PCDHGA11: variants seen among roughly 807,000 people sequenced by gnomAD.
The protein encoded by PCDHGA11 is protocadherin gamma subfamily A, 11, also known as protocadherin gamma-A11.
Under a neutral mutation model 60.4 loss-of-function variants are expected in PCDHGA11, and 39 were observed. That is an observed-to-expected ratio of 0.65 (90% confidence interval 0.50 to 0.84). The LOEUF is 0.84. Among genes scored for constraint, PCDHGA11 ranks in the 40% least tolerant of loss-of-function variants. PCDHGA11 has a pLI of 0.00. For missense variants in PCDHGA11, 1,165 were observed against 1,197.7 expected (o/e 0.97, Z 0.40); for synonymous variants, 533 against 510.3 (o/e 1.04, Z -0.60).
In PCDHGA11 at chr5:141,431,048, A is replaced by G; in HGVS notation, c.2433+7388A>G. The G allele has an allele frequency of 6.2e-7, 1 of 1,614,180 alleles. No homozygotes were observed. Among genetic ancestry groups the G allele is most frequent in the Non-Finnish European group, 8.5e-7 (1 of 1,180,018 alleles). The stretch of plus-strand genomic sequence containing the variant: ...CAGGATAGACCGGGAGGAGCTCTGT[A>G]TGGGGGCCATCAAGTGTCAATTAAA... On this transcript the variant is annotated intron_variant, in intron 1 of 3. Coordinates refer to ENST00000398587, the MANE Select transcript of PCDHGA11 (RefSeq NM_018914.3). This position sits in a 1 kb window ranked among gnomAD's most constrained non-coding sequence, Gnocchi z 4.8.
chr5:141,502,373 C>A (rs2099813965), intron 2 of PCDHGA11, among the ~76,000 whole-genome samples: 1 of 151,806 alleles, frequency 6.6e-6, no homozygotes, highest in African/African-American at 2.4e-5. Context: ...TTAAAGAGTC[C>A]AGGCCAGTTG....
rs201857404 is a variant in PCDHGA11, at chr5:141,485,844, G to C, written c.2434-8963G>C. The C allele has an allele frequency of 1.1e-5, 18 of 1,613,772 alleles. No homozygotes were observed. The highest frequency in any genetic ancestry group is 1.4e-5 in the Non-Finnish European group (16 of 1,179,956). ...GATGGAGGGAACCCGCCGAGATCTG[G>C]CACCGCAGAGCTCCGGGTATCCGTG... is the stretch of plus-strand genomic sequence containing the variant. On this transcript the variant is annotated intron_variant, in intron 1 of 3. Transcript: ENST00000398587. This position sits in a 1 kb window ranked among gnomAD's most constrained non-coding sequence, Gnocchi z 5.7.
chr5:141,483,213 C>T (rs1343903817), intron 1 of PCDHGA11, among the ~76,000 whole-genome samples: 1 of 152,142 alleles, frequency 6.6e-6, no homozygotes, highest in Non-Finnish European at 1.5e-5. Flanking sequence ...ATATAGATGA[C>T]AGTCACTGCA....
chr5:141,509,371 T>C (rs2099876508), intron 3 of PCDHGA11, among the ~76,000 whole-genome samples: 1 of 152,258 alleles, frequency 6.6e-6, no homozygotes, highest in South Asian at 2.1e-4. Context: ...AGGTTTTAAC[T>C]GTCTCCTAAC....
At chr5:141,438,591 C>CATATATATATATAT (rs946798767) in intron 1 of PCDHGA11, among the ~76,000 whole-genome samples, 3 of 75,556 alleles carry the variant, frequency 4.0e-5, no homozygotes, top group Non-Finnish European at 8.0e-5. Context: ...TACATACATA[C>CATATATATATATAT]ATATATATAT....
At chr5:141,452,281 T>G (rs948141174) in intron 1 of PCDHGA11, among the ~76,000 whole-genome samples, 2 of 152,232 alleles carry the variant, frequency 1.3e-5, no homozygotes, top group Non-Finnish European at 2.9e-5. Flanking sequence ...CCTTTCTTAC[T>G]TTCTGATATA....
rs558074504 is a variant in PCDHGA11 at position 141,489,065 on chromosome 5, C to A, written c.2434-5742C>A. ...CCACTCAAATTCAGCTCCCCTCCCCCCTGCCCACCCCCGCCACTCGGTGAC... is the reference window on the plus strand; with the variant it reads ...CCACTCAAATTCAGCTCCCCTCCCCACTGCCCACCCCCGCCACTCGGTGAC... On this transcript the variant is annotated intron_variant, in intron 1 of 3. Transcript: ENST00000398587. The surrounding 1 kb of genome is among the most constrained non-coding windows in gnomAD (Gnocchi z 4.5). 1,377 of 389,040 alleles carry A rather than the reference C, an allele frequency of 3.5e-3. 31 individuals carry two copies. Among genetic ancestry groups the A allele is most frequent in the Admixed American group, 9.8e-3 (226 of 22,946 alleles). 24.1% of individuals were successfully genotyped at this position (389,040 alleles called of 1,614,324 possible).
chr5:141,458,695 G>T (rs551105765), intron 1 of PCDHGA11, among the ~76,000 whole-genome samples: 2 of 151,734 alleles, frequency 1.3e-5, no homozygotes, highest in Non-Finnish European at 2.9e-5. Context: ...TCAGCCTCCC[G>T]AGTAGCTGGG....
rs193229261 is a variant in PCDHGA11, at chr5:141,446,714, G to A, written c.2433+23054G>A. ...GCTGGTCTCGAACTCTGATCTGCCCGCCTCGGCCTCCCAAAGTGTGGGGAT... is the reference window on the plus strand; with the variant it reads ...GCTGGTCTCGAACTCTGATCTGCCCACCTCGGCCTCCCAAAGTGTGGGGAT... On this transcript the variant is annotated intron_variant, in intron 1 of 3. Transcript: ENST00000398587. Among the ~76,000 whole-genome samples the A allele has an allele frequency of 3.3e-3, 497 of 152,154 alleles. 2 individuals are homozygous for A. Among genetic ancestry groups the A allele is most frequent in the African/African-American group, 0.011 (450 of 41,528 alleles).
chr5:141,423,904 G>A, intron 1 of PCDHGA11: 2 of 1,275,052 alleles, frequency 1.6e-6, no homozygotes, highest in Middle Eastern at 3.1e-4. Flanking sequence ...TGATTTCAAA[G>A]GGGCCATTCA....
At chr5:141,492,822 C>T (rs1241767956) in intron 1 of PCDHGA11, among the ~76,000 whole-genome samples, 1 of 152,238 alleles carries the variant, frequency 6.6e-6, no homozygotes, top group Non-Finnish European at 1.5e-5. Context: ...GCACCAGCGG[C>T]CCCTTCCTCC....
At position 141,486,426 on chromosome 5, in the gene PCDHGA11, A is replaced by T; in HGVS notation, c.2434-8381A>T. 6.2e-7 allele frequency: 1 copy of T among 1,614,190 alleles called. No homozygotes were observed. The highest frequency in any genetic ancestry group is 8.5e-7 in the Non-Finnish European group (1 of 1,180,026). ...GCTGGACCCTTGGATCGAGAGGCCA[A>T]ATCTAGCTATGACATCATGGTCACT... On this transcript the variant is annotated intron_variant, in intron 1 of 3. Coordinates refer to ENST00000398587, the MANE Select transcript of PCDHGA11 (RefSeq NM_018914.3). This position sits in a 1 kb window ranked among gnomAD's most constrained non-coding sequence, Gnocchi z 5.0.
rs1243312753 is a variant in PCDHGA11 at position 141,422,118 on chromosome 5, ACAAACTGGAGAAGTT to A, written c.895_909del (p.Thr299_Gln303del). The A allele has an allele frequency of 6.2e-7, 1 of 1,604,312 alleles. No individual in the cohort carries two copies. The highest frequency in any genetic ancestry group is 8.5e-7 in the Non-Finnish European group (1 of 1,177,046). ...CTTCTGAAATATTCCAATTGGATTCACAAACTGGAGAAGTTCAAGTACGGGGGTCTCTGGATTTTG... is the reference window on the plus strand; with the variant it reads ...CTTCTGAAATATTCCAATTGGATTCACAAGTACGGGGGTCTCTGGATTTTG... On this transcript the variant is annotated inframe_deletion, in exon 1 of 4. Transcript: ENST00000398587.
chr5:141,459,162 T>A (rs1408033955), intron 1 of PCDHGA11, among the ~76,000 whole-genome samples: 3 of 152,224 alleles, frequency 2.0e-5, no homozygotes, highest in African/African-American at 7.2e-5. Context: ...AACATTTCTA[T>A]AACCTTCAAA....
chr5:141,472,290 C>T (rs2099275934), intron 1 of PCDHGA11, among the ~76,000 whole-genome samples: 2 of 152,096 alleles, frequency 1.3e-5, no homozygotes, highest in Admixed American at 6.6e-5. Flanking sequence ...ACCTGTAATC[C>T]CAGCACTTTG....
At chr5:141,467,348 C>T (rs1182432500) in intron 1 of PCDHGA11, among the ~76,000 whole-genome samples, 5 of 152,142 alleles carry the variant, frequency 3.3e-5, no homozygotes, top group African/African-American at 9.7e-5. Context: ...CCACTGCCCC[C>T]GGCCAAATCA....
chr5:141,480,241 A>C (rs895691864), intron 1 of PCDHGA11, among the ~76,000 whole-genome samples: 58 of 97,306 alleles, frequency 6.0e-4, no homozygotes, highest in African/African-American at 2.2e-3. Context: ...CTGTCTCTAC[A>C]AAAAAAAAAA....
chr5:141,442,119 C>T (rs563017984), intron 1 of PCDHGA11: 1 of 166,262 alleles, frequency 6.0e-6, no homozygotes, highest in African/African-American at 2.4e-5. Context: ...CCCCTCGTCG[C>T]CGACAGCCTG....
intron 1 of PCDHGA11, among the ~76,000 whole-genome samples, chr5:141,444,229 T>G (rs957213677): frequency 4.6e-5 from 6 of 130,226 alleles, no homozygotes; most frequent in Admixed American, 9.4e-5. Context: ...TGGAGTGCAA[T>G]GGCATGCTCT....
Sources: allele counts gnomAD v4.1 joint callset (sites outside exome capture counted in the v4.1 genomes callset), GRCh38; gene constraint gnomAD v4.1.1; non-coding constraint Gnocchi (gnomAD v3.1); transcripts MANE v1.5; gene names NCBI Gene and HGNC (gene_info 2026-07-23, HGNC 2026-07-21).